PRKAR1B: variants seen among roughly 807,000 people sequenced by gnomAD.
The protein encoded by PRKAR1B is protein kinase cAMP-dependent type I regulatory subunit beta.
PRKAR1B carries 22 observed loss-of-function variants against 46.5 expected under a neutral mutation model. That is an observed-to-expected ratio of 0.47 (90% CI 0.34 to 0.68). PRKAR1B has a LOEUF of 0.68. Ranked by LOEUF, PRKAR1B falls within the 30% of genes least tolerant of loss-of-function variation. The pLI is 0.01. For missense variants in PRKAR1B, 445 were observed against 535.6 expected (o/e 0.83, Z 1.67); for synonymous variants, 259 against 217.7 (o/e 1.19, Z -1.67).
chr7:550,638 G>A lies in PRKAR1B; in HGVS notation c.974-36C>T, dbSNP rs754100288. ...AAGAGAGAGGTCAGGGCTGGGCCTG[G>A]GGGTCCTGAGGCTGCAGCAGGGAAA... On this transcript the variant is annotated intron_variant, in intron 10 of 10. Coordinates refer to ENST00000537384, the MANE Select transcript of PRKAR1B (RefSeq NM_001164760.2). 6 of 1,492,342 alleles carry A rather than the reference G, an allele frequency of 4.0e-6. No homozygotes were observed. The African/African-American group carries it at 4.2e-5, about 10-fold the overall frequency. 92.4% of individuals were successfully genotyped at this position (1,492,342 alleles called of 1,614,324 possible).
In PRKAR1B at chr7:581,293, ACT is replaced by A. The variant is rs1230080205; in HGVS notation, c.770-1918_770-1917del. Among the ~76,000 whole-genome samples, 29 of 125,964 alleles carry A rather than the reference ACT, an allele frequency of 2.3e-4. No individual in the cohort carries two copies. In the East Asian group the frequency reaches 6.6e-3, roughly 29 times the overall value. 82.6% of individuals were successfully genotyped at this position (125,964 alleles called of 152,430 possible). On this transcript the variant is annotated intron_variant, in intron 8 of 10. Coordinates refer to ENST00000537384, the MANE Select transcript of PRKAR1B (RefSeq NM_001164760.2). Reference sequence around the variant, plus strand: ...CCTCCAGCCTGGGCAACAGAGCAACACTCTGTCTCAAAAAAAAAAAAAAAAAA... The same window carrying A: ...CCTCCAGCCTGGGCAACAGAGCAACACTGTCTCAAAAAAAAAAAAAAAAAA...
intron 2 of PRKAR1B, among the ~76,000 whole-genome samples, chr7:706,422 A>ATTTTT (rs33963335): frequency 3.9e-5 from 4 of 102,312 alleles, no homozygotes; most frequent in African/African-American, 7.7e-5. Flanking sequence ...CAAATAAGGA[A>ATTTTT]TTTTTTTTTT....
chr7:699,180 C>G (rs1221377136), intron 2 of PRKAR1B, among the ~76,000 whole-genome samples: 1 of 152,254 alleles, frequency 6.6e-6, no homozygotes, highest in Admixed American at 6.5e-5. Context: ...GGTTTGCGCC[C>G]AGCTCCATGA....
intron 8 of PRKAR1B, among the ~76,000 whole-genome samples, chr7:582,306 G>A (rs764206022): frequency 6.6e-5 from 10 of 152,246 alleles, no homozygotes; most frequent in African/African-American, 9.6e-5. Context: ...GGAGCATCCA[G>A]GCACAAAAGC....
chr7:598,755 G>A (rs750614333), intron 6 of PRKAR1B, among the ~76,000 whole-genome samples: 24 of 152,366 alleles, frequency 1.6e-4, no homozygotes, highest in Admixed American at 7.8e-4. Flanking sequence ...AGGTCGGGAG[G>A]GGTTTGCTTG....
intron 4 of PRKAR1B, among the ~76,000 whole-genome samples, chr7:649,679 G>A (rs573512212): frequency 1.3e-5 from 2 of 152,196 alleles, no homozygotes; most frequent in Admixed American, 6.5e-5. Context: ...AGACCCAAGC[G>A]ATCCTCCCAT....
At chr7:670,357 C>T (rs1033618113) in intron 4 of PRKAR1B, among the ~76,000 whole-genome samples, 19 of 152,334 alleles carry the variant, frequency 1.2e-4, no homozygotes, top group Admixed American at 4.6e-4. Flanking sequence ...GGCCCATGCT[C>T]ACCTGTGACA....
chr7:698,986 G>C (rs1334712517), intron 2 of PRKAR1B, among the ~76,000 whole-genome samples: 3 of 152,206 alleles, frequency 2.0e-5, no homozygotes, highest in African/African-American at 7.2e-5. Context: ...ACACACAGGG[G>C]CACCAGCCTT....
intron 2 of PRKAR1B, among the ~76,000 whole-genome samples, chr7:688,229 C>T (rs1197210358): frequency 2.6e-5 from 4 of 151,894 alleles, no homozygotes; most frequent in Non-Finnish European, 5.9e-5. Flanking sequence ...GGCAAAACCC[C>T]ATCTCTACTA....
At chr7:693,134 C>T (rs1779530349) in intron 2 of PRKAR1B, among the ~76,000 whole-genome samples, 2 of 151,852 alleles carry the variant, frequency 1.3e-5, no homozygotes, top group South Asian at 4.2e-4. Context: ...AGGGTTTCCC[C>T]ATGTTGGCCA....
At chr7:664,287 T>A (rs1785781817) in intron 4 of PRKAR1B, among the ~76,000 whole-genome samples, 1 of 152,200 alleles carries the variant, frequency 6.6e-6, no homozygotes, top group Non-Finnish European at 1.5e-5. Flanking sequence ...GCATCCCTCC[T>A]TCTGGTCGCT....
intron 4 of PRKAR1B, among the ~76,000 whole-genome samples, chr7:626,824 C>A (rs1275477668): frequency 6.6e-6 from 1 of 152,068 alleles, no homozygotes; most frequent in Non-Finnish European, 1.5e-5. Context: ...GGTCCTCCCG[C>A]CTCAGCCTCT....
intron 9 of PRKAR1B, among the ~76,000 whole-genome samples, chr7:574,934 G>A (rs1317762894): frequency 1.3e-5 from 2 of 152,214 alleles, no homozygotes; most frequent in African/African-American, 4.8e-5. Context: ...ACCTGTCACC[G>A]CAGTCGTCCT....
intron 2 of PRKAR1B, among the ~76,000 whole-genome samples, chr7:710,442 G>A (rs912887024): frequency 6.6e-6 from 1 of 152,106 alleles, no homozygotes; most frequent in African/African-American, 2.4e-5. Context: ...AGGCACGCAC[G>A]TCTACGAAAA....
rs184992448 is a variant in PRKAR1B at position 615,025 on chromosome 7, T to C, written c.441-7573A>G. On this transcript the variant is annotated intron_variant, in intron 4 of 10. Transcript: ENST00000537384. ...CCAGGAGGTTGAGGCTGCAGGGAGC[T>C]GAGATTGTGCCACTGCACTCCAGCC... is the stretch of plus-strand genomic sequence containing the variant. 5.5e-3 allele frequency among the ~76,000 whole-genome samples: 811 copies of C among 147,894 alleles called. 5 individuals carry two copies. Among genetic ancestry groups the C allele is most frequent in the Non-Finnish European group, 7.9e-3 (525 of 66,662 alleles).
At chr7:705,322 A>G (rs1222880436) in intron 2 of PRKAR1B, among the ~76,000 whole-genome samples, 2 of 145,784 alleles carry the variant, frequency 1.4e-5, no homozygotes, top group Non-Finnish European at 3.1e-5. Context: ...AAAAAAAAAG[A>G]AAAAAGAAAA....
intron 2 of PRKAR1B, among the ~76,000 whole-genome samples, chr7:699,039 T>C (rs890854262): frequency 2.6e-5 from 4 of 152,090 alleles, no homozygotes; most frequent in African/African-American, 9.7e-5. Context: ...GGACGGAGGA[T>C]GAGAAAGAAG....
At chr7:721,879 A>T (rs902887769) in intron 1 of PRKAR1B, among the ~76,000 whole-genome samples, 3 of 152,090 alleles carry the variant, frequency 2.0e-5, no homozygotes, top group African/African-American at 7.2e-5. Flanking sequence ...GGTTTTGGTT[A>T]AGAAATCTGC....
intron 5 of PRKAR1B, among the ~76,000 whole-genome samples, chr7:606,739 C>T (rs1460651348): frequency 5.3e-5 from 8 of 151,492 alleles, no homozygotes; most frequent in African/African-American, 4.9e-5. Flanking sequence ...TGAGCCACCG[C>T]GCCCGGCCTC....
Sources: gnomAD v4.1 joint callset for allele counts (sites outside exome capture counted in the v4.1 genomes callset) on GRCh38, gnomAD v4.1.1 for gene constraint, MANE v1.5 for transcripts, NCBI Gene and HGNC (gene_info 2026-07-23, HGNC 2026-07-21) for gene names.